The following PHTF2 variants were observed in gnomAD, a reference collection of about 807,000 sequenced individuals.
PHTF2 encodes protein PHTF2.
A neutral mutation model predicts 101.2 loss-of-function variants in PHTF2; 60 were observed. The ratio of observed to expected loss-of-function variants is 0.59; its 90% CI spans 0.48 to 0.73. The LOEUF is 0.73. PHTF2 is among the 30% of genes least tolerant of loss of function. The pLI, the probability that PHTF2 is intolerant of heterozygous loss-of-function variation, is 0.00. For synonymous variants in PHTF2, 311 were observed against 307.3 expected (o/e 1.01, Z -0.13); for missense variants, 747 against 908.7 (o/e 0.82, Z 2.29).
At chr7:77,868,247 G>A (rs912271654) in intron 3 of PHTF2, among the ~76,000 whole-genome samples, 4 of 150,314 alleles carry the variant, frequency 2.7e-5, no homozygotes, top group Non-Finnish European at 4.4e-5. Flanking sequence ...AGCTCAAGCA[G>A]TCTTCCTGCC....
chr7:77,938,179 A>G (rs1805316873), intron 13 of PHTF2, among the ~76,000 whole-genome samples: 1 of 152,162 alleles, frequency 6.6e-6, no homozygotes, highest in African/African-American at 2.4e-5. Flanking sequence ...TGTTACAAGA[A>G]CTTTAAAAAT....
At chr7:77,943,251 G>A (rs895757683) in intron 16 of PHTF2, among the ~76,000 whole-genome samples, 2 of 152,280 alleles carry the variant, frequency 1.3e-5, no homozygotes, top group East Asian at 3.9e-4. Context: ...CTCCTGAGTA[G>A]CTGGGACTAC....
intron 11 of PHTF2, among the ~76,000 whole-genome samples, chr7:77,925,502 T>TTG (rs1803891254): frequency 1.0e-5 from 1 of 95,362 alleles, no homozygotes; most frequent in African/African-American, 6.2e-5. Context: ...AGGGTTTTTT[T>TTG]TTTTTTTTTT....
At chr7:77,949,949 G>A (rs1034512279) in intron 17 of PHTF2, 116 bp downstream of exon 16, 11 of 554,910 alleles carry the variant, frequency 2.0e-5, no homozygotes, top group Admixed American at 3.8e-5. Flanking sequence ...GTGCTATAAA[G>A]CAAAATGTAA....
rs552188640 is a variant in PHTF2, at chr7:77,820,050, C to T, written c.-35-20171C>T. Among the ~76,000 whole-genome samples, 10 of 152,186 alleles carry T rather than the reference C, an allele frequency of 6.6e-5. No homozygotes were observed. The East Asian group carries it at 1.5e-3, about 24-fold the overall frequency. On this transcript the variant is annotated intron_variant, in intron 1 of 19. Transcript: ENST00000416283. ...AATTACAGGCATGCACCACCACACC[C>T]GGCTAATTTTGTATTTTTAGTAGAG...
intron 3 of PHTF2, among the ~76,000 whole-genome samples, chr7:77,879,792 T>A (rs911581541): frequency 1.3e-5 from 2 of 152,186 alleles, no homozygotes; most frequent in African/African-American, 2.4e-5. Context: ...AAAGCCAAAT[T>A]TATTTTCATA....
chr7:77,879,217 T>C (rs1242369740), intron 3 of PHTF2, among the ~76,000 whole-genome samples: 2 of 152,240 alleles, frequency 1.3e-5, no homozygotes, highest in East Asian at 1.9e-4. Context: ...TTTTTCTTTG[T>C]ATTTATAACT....
chr7:77,829,483 A>G (rs2150546316), intron 1 of PHTF2, among the ~76,000 whole-genome samples: 1 of 152,338 alleles, frequency 6.6e-6, no homozygotes, highest in Middle Eastern at 3.4e-3. Context: ...ATTCTTTCAA[A>G]TATTTCCATG....
At chr7:77,836,008 C>T (rs1249352346) in intron 1 of PHTF2, among the ~76,000 whole-genome samples, 4 of 150,198 alleles carry the variant, frequency 2.7e-5, no homozygotes, top group African/African-American at 9.9e-5. Flanking sequence ...TTCCCAGCTA[C>T]TCGGGAGGTT....
At chr7:77,878,018 C>T (rs1191972608) in intron 3 of PHTF2, among the ~76,000 whole-genome samples, 1 of 152,046 alleles carries the variant, frequency 6.6e-6, no homozygotes, top group Non-Finnish European at 1.5e-5. Flanking sequence ...AGCAAGACTT[C>T]AGTACTTTAT....
chr7:77,806,370 A>AT (rs1416216431), intron 1 of PHTF2, among the ~76,000 whole-genome samples: 1 of 152,096 alleles, frequency 6.6e-6, no homozygotes, highest in Non-Finnish European at 1.5e-5. Flanking sequence ...CATATTTATG[A>AT]TTGTTATAAT....
At chr7:77,882,559 C>T (rs1451273450) in intron 3 of PHTF2, among the ~76,000 whole-genome samples, 1 of 152,118 alleles carries the variant, frequency 6.6e-6, no homozygotes, top group Non-Finnish European at 1.5e-5. Context: ...GTTTAGACTT[C>T]TTTTCCCAAT....
intron 9 of PHTF2, among the ~76,000 whole-genome samples, 171 bp from the exon 9 acceptor site, chr7:77,920,108 A>G (rs560289414): frequency 2.6e-5 from 4 of 152,342 alleles, no homozygotes; most frequent in South Asian, 4.1e-4. Flanking sequence ...ATTAATTTAC[A>G]TGTTTATTTT....
intron 3 of PHTF2, among the ~76,000 whole-genome samples, chr7:77,864,542 C>T (rs1032639952): frequency 6.6e-6 from 1 of 152,166 alleles, no homozygotes; most frequent in African/African-American, 2.4e-5. Context: ...AACACCATCC[C>T]TCCAAATAAA....
intron 9 of PHTF2, among the ~76,000 whole-genome samples, chr7:77,914,967 A>C (rs1331801818): frequency 6.6e-6 from 1 of 152,156 alleles, no homozygotes; most frequent in Non-Finnish European, 1.5e-5. Context: ...GCTGGAGTGC[A>C]GTGGCACGAT....
chr7:77,851,165 A>G (rs1796729780), intron 2 of PHTF2, among the ~76,000 whole-genome samples: 1 of 152,204 alleles, frequency 6.6e-6, no homozygotes, highest in Non-Finnish European at 1.5e-5. Flanking sequence ...ACTTTTCAGA[A>G]TAGTTTGAGA....
At chr7:77,811,534 C>A (rs1793440753) in intron 1 of PHTF2, among the ~76,000 whole-genome samples, 1 of 152,116 alleles carries the variant, frequency 6.6e-6, no homozygotes, top group Non-Finnish European at 1.5e-5. Context: ...TTTGTAATTT[C>A]TTTTATATTT....
chr7:77,805,659 A>C (rs1792914318), intron 1 of PHTF2, among the ~76,000 whole-genome samples: 1 of 152,136 alleles, frequency 6.6e-6, no homozygotes, highest in African/African-American at 2.4e-5. Flanking sequence ...CTTTGACTCC[A>C]CTGGTTATTT....
intron 10 of PHTF2, among the ~76,000 whole-genome samples, chr7:77,921,288 A>T (rs1396139319): frequency 6.6e-6 from 1 of 152,228 alleles, no homozygotes; most frequent in Non-Finnish European, 1.5e-5. Flanking sequence ...ACTTTTCCAA[A>T]ATAGAGAGAC....
Sources: gnomAD v4.1 joint callset for allele counts (sites outside exome capture counted in the v4.1 genomes callset) on GRCh38, gnomAD v4.1.1 for gene constraint, MANE v1.5 for transcripts, NCBI Gene and HGNC (gene_info 2026-07-23, HGNC 2026-07-21) for gene names.